RALY: variants seen among roughly 807,000 people sequenced by gnomAD.
RALY encodes RNA-binding protein Raly.
A neutral mutation model predicts 30.7 loss-of-function variants in RALY; 15 were observed. That is an observed-to-expected ratio of 0.49 (90% CI 0.33 to 0.75). The LOEUF (loss-of-function observed/expected upper bound fraction) is 0.75, where lower values mean the gene tolerates loss of function less well. RALY is among the 30% of genes least tolerant of loss of function. The pLI, the probability that RALY is intolerant of heterozygous loss-of-function variation, is 0.02. For missense variants in RALY, 339 were observed against 414.3 expected (o/e 0.82, Z 1.58); for synonymous variants, 177 against 170.8 (o/e 1.04, Z -0.28).
chr20:34,060,190 A>T (rs990656266), intron 2 of RALY, among the ~76,000 whole-genome samples: 4 of 152,180 alleles, frequency 2.6e-5, no homozygotes, highest in Non-Finnish European at 5.9e-5. Context: ...ATTAGAACTG[A>T]CCACCTTCTC....
At chr20:34,026,814 AC>A (rs1376917283) in intron 1 of RALY, among the ~76,000 whole-genome samples, 6 of 152,080 alleles carry the variant, frequency 3.9e-5, no homozygotes, top group Non-Finnish European at 5.9e-5. Flanking sequence ...GGAAAAGGAC[AC>A]CTTAAGCCAA....
chr20:34,007,886 A>G (rs1601405294), intron 1 of RALY, among the ~76,000 whole-genome samples: 1 of 151,216 alleles, frequency 6.6e-6, no homozygotes, highest in East Asian at 1.9e-4. Context: ...AGTGCCTACC[A>G]TGTTATGGTG....
In RALY at chr20:34,076,814, A is replaced by G. The variant is rs2033893368; in HGVS notation, c.657A>G (p.Pro219=). 6.2e-7 allele frequency: 1 copy of G among 1,613,724 alleles called. No individual in the cohort carries two copies. The highest frequency in any genetic ancestry group is 8.5e-7 in the Non-Finnish European group (1 of 1,179,834). The change falls in exon 7 of 10, where the codon CCA becomes CCG. Residue 219 remains proline, a splice_region_variant and synonymous_variant. Transcript: ENST00000246194. ...TCGCTGCGGAGCAAAAGGCCAATCC[A>G]GGTCAGCCTCTGAGGATTCTCACCC... is the stretch of plus-strand genomic sequence containing the variant. ...EQIAAEQKAN[P]DGKKKGDGGG...
At chr20:34,042,797 A>G (rs941627038) in intron 2 of RALY, among the ~76,000 whole-genome samples, 1 of 152,250 alleles carries the variant, frequency 6.6e-6, no homozygotes, top group Non-Finnish European at 1.5e-5. Context: ...TTTACACATT[A>G]ACCTCTTACT....
intron 1 of RALY, among the ~76,000 whole-genome samples, chr20:34,015,454 T>TC (rs1393724244): frequency 1.3e-5 from 2 of 152,150 alleles, no homozygotes; most frequent in Admixed American, 1.3e-4. Context: ...ACCCAAGAAA[T>TC]CCAAGTCTTT....
chr20:34,031,231 T>A (rs1438043271), intron 1 of RALY, among the ~76,000 whole-genome samples: 11 of 148,090 alleles, frequency 7.4e-5, no homozygotes, highest in African/African-American at 2.8e-4. Flanking sequence ...TTTTTTTTTT[T>A]TGTATTTTTA....
At chr20:34,044,520 A>G (rs1390068373) in intron 2 of RALY, among the ~76,000 whole-genome samples, 1 of 151,960 alleles carries the variant, frequency 6.6e-6, no homozygotes, top group Non-Finnish European at 1.5e-5. Context: ...GAGTTTCTCC[A>G]TGTTGGTCAG....
chr20:34,060,101 A>G (rs1449783722), intron 2 of RALY, among the ~76,000 whole-genome samples: 2 of 152,148 alleles, frequency 1.3e-5, no homozygotes, highest in African/African-American at 4.8e-5. Context: ...TTTTGGTGAG[A>G]CACTTGAAGA....
intron 2 of RALY, among the ~76,000 whole-genome samples, chr20:34,039,821 T>A (rs1185878575): frequency 6.6e-6 from 1 of 152,044 alleles, no homozygotes; most frequent in Non-Finnish European, 1.5e-5. Context: ...CATTTAAAAG[T>A]GCAATAATGG....
intron 2 of RALY, among the ~76,000 whole-genome samples, chr20:34,042,772 A>G (rs2123140065): frequency 6.6e-6 from 1 of 152,352 alleles, no homozygotes; most frequent in Non-Finnish European, 1.5e-5. Context: ...TTAAAGGTAT[A>G]TACCTTCTTA....
chr20:34,035,555 C>A (rs1036680186), intron 2 of RALY, among the ~76,000 whole-genome samples: 1 of 152,166 alleles, frequency 6.6e-6, no homozygotes, highest in Non-Finnish European at 1.5e-5. Context: ...TTGGCTCTTT[C>A]CCCACGACCT....
intron 2 of RALY, among the ~76,000 whole-genome samples, chr20:34,034,336 G>A (rs1316522627): frequency 4.6e-5 from 7 of 152,196 alleles, no homozygotes; most frequent in African/African-American, 1.7e-4. Context: ...GCCTGAGAGT[G>A]CACAGAGGGT....
chr20:34,053,539 A>G (rs925279257), intron 2 of RALY, among the ~76,000 whole-genome samples: 1 of 151,758 alleles, frequency 6.6e-6, no homozygotes, highest in African/African-American at 2.4e-5. Flanking sequence ...CTGGGACTAT[A>G]AACATGTACC....
rs550725116 is a variant in RALY, at chr20:34,006,432, A to G, written c.-93+12301A>G. On this transcript the variant is annotated intron_variant, in intron 1 of 9. Transcript: ENST00000246194. ...ATCAAAATCCAGATGATCGTGTTCA[A>G]ATGTTCGATTGTTTTGTAAATGTCA... Among the ~76,000 whole-genome samples the G allele has an allele frequency of 2.0e-5, 3 of 152,338 alleles. No individual in the cohort carries two copies. In the East Asian group the frequency reaches 5.8e-4, roughly 29 times the overall value.
At chr20:34,078,054 T>C (rs2033944457) in intron 8 of RALY, among the ~76,000 whole-genome samples, 1 of 152,238 alleles carries the variant, frequency 6.6e-6, no homozygotes, top group African/African-American at 2.4e-5. Flanking sequence ...TGAGAACAGA[T>C]GGGCTCATGG....
intron 1 of RALY, among the ~76,000 whole-genome samples, chr20:34,021,072 G>A (rs2031801435): frequency 6.6e-6 from 1 of 151,852 alleles, no homozygotes; most frequent in Admixed American, 6.6e-5. Context: ...AGCGATTCTT[G>A]TGCCTCAGCT....
chr20:34,033,424 C>G (rs527480676), intron 2 of RALY, among the ~76,000 whole-genome samples: 79 of 152,190 alleles, frequency 5.2e-4, no homozygotes, highest in Non-Finnish European at 1.0e-3. Flanking sequence ...ATTTGTCTCA[C>G]AATTCGAATG....
chr20:34,075,998 G>T lies in RALY; in HGVS notation c.502G>T (p.Ala168Ser). Reference sequence around the variant, plus strand: ...AACTAACGTACCTGTCAAGCTCTTTGCCCGCTCCACAGCTGTCACCACCAG... The same window carrying T: ...AACTAACGTACCTGTCAAGCTCTTTTCCCGCTCCACAGCTGTCACCACCAG... ...VKTNVPVKLF[A>S]RSTAVTTSSA... is the part of the protein sequence containing the mutation. The change falls in exon 6 of 10, where the codon GCC (alanine) becomes TCC (serine). Residue 168 changes from alanine to serine, a missense_variant. Ala to Ser is a moderately conservative substitution (Grantham distance 99). This residue lies in a region of RALY where 268 missense variants were observed against 280.6 expected (regional missense o/e 0.95). Coordinates refer to ENST00000246194, the MANE Select transcript of RALY (RefSeq NM_016732.3). The T allele has an allele frequency of 2.5e-6, 4 of 1,614,200 alleles. No individual in the cohort carries two copies. Among genetic ancestry groups the T allele is most frequent in the Non-Finnish European group, 3.4e-6 (4 of 1,180,036 alleles).
chr20:34,001,455 A>C (rs1325807016), intron 1 of RALY, among the ~76,000 whole-genome samples: 1 of 152,148 alleles, frequency 6.6e-6, no homozygotes, highest in Non-Finnish European at 1.5e-5. Context: ...GCTTTATTCC[A>C]AGTAAATATT....
Sources: gnomAD v4.1 joint callset for allele counts (sites outside exome capture counted in the v4.1 genomes callset) on GRCh38, gnomAD v4.1.1 for gene constraint, gnomAD v4.1.1 regional missense constraint, MANE v1.5 for transcripts, NCBI Gene and HGNC (gene_info 2026-07-23, HGNC 2026-07-21) for gene names.